LAMA2: variants seen among roughly 807,000 people sequenced by gnomAD.
LAMA2 encodes the protein laminin subunit alpha-2.
Under a neutral mutation model 364.8 loss-of-function variants are expected in LAMA2, and 269 were observed. The ratio of observed to expected loss-of-function variants is 0.74; its 90% CI spans 0.67 to 0.82. LAMA2 has a LOEUF of 0.82. Ranked by LOEUF, LAMA2 falls within the 40% of genes least tolerant of loss-of-function variation. The pLI, the probability that LAMA2 is intolerant of heterozygous loss-of-function variation, is 0.00. For synonymous variants in LAMA2, 1,379 were observed against 1,370.6 expected, an observed-to-expected ratio of 1.01 and a Z score of -0.14; for missense variants, 3,807 against 3,873.2, an observed-to-expected ratio of 0.98 and a Z score of 0.45.
intron 15 of LAMA2, among the ~76,000 whole-genome samples, chr6:129,263,710 G>A (rs957534143): frequency 3.3e-5 from 5 of 152,084 alleles, no homozygotes; most frequent in Non-Finnish European, 5.9e-5. Flanking sequence ...TAGTGGAGTA[G>A]TGTAATCTGA....
At chr6:129,161,581 C>G (rs1273298225) in intron 8 of LAMA2, among the ~76,000 whole-genome samples, 1 of 152,032 alleles carries the variant, frequency 6.6e-6, no homozygotes. Flanking sequence ...AATTATGTGT[C>G]ATGGGATTTG....
At chr6:128,925,893 G>C (rs1649196161) in intron 1 of LAMA2, among the ~76,000 whole-genome samples, 1 of 151,900 alleles carries the variant, frequency 6.6e-6, no homozygotes, top group South Asian at 2.1e-4. Flanking sequence ...CTTGCCATGA[G>C]AAACGGAGCA....
chr6:129,410,429 CT>C (rs1373485054), intron 40 of LAMA2, among the ~76,000 whole-genome samples: 1 of 152,138 alleles, frequency 6.6e-6, no homozygotes, highest in African/African-American at 2.4e-5. Context: ...TTTTGTAAAA[CT>C]TTCTCTCTGT....
chr6:129,395,110 G>A (rs1351990661), intron 37 of LAMA2, among the ~76,000 whole-genome samples: 1 of 152,084 alleles, frequency 6.6e-6, no homozygotes, highest in Non-Finnish European at 1.5e-5. Context: ...CCCACCTAGA[G>A]AGTCTGTGTA....
intron 1 of LAMA2, among the ~76,000 whole-genome samples, chr6:128,897,605 G>T (rs551366079): frequency 4.7e-4 from 71 of 152,312 alleles, no homozygotes; most frequent in South Asian, 2.1e-3. Flanking sequence ...TTGGCTCAGG[G>T]TATCCCCAAA....
In LAMA2 at chr6:129,156,535, T is replaced by A. The variant is rs1779126379; in HGVS notation, c.1206+1852T>A. Among the ~76,000 whole-genome samples the A allele has an allele frequency of 2.6e-5, 4 of 152,098 alleles. No individual in the cohort carries two copies. In the South Asian group the frequency reaches 8.3e-4, roughly 32 times the overall value. The stretch of plus-strand genomic sequence containing the variant: ...CCATCCTTAATTTCTTTTTTTTTTT[T>A]TAAATAACTTCCCTTTTAAAAGTTA... On this transcript the variant is annotated intron_variant, in intron 8 of 64. Transcript: ENST00000421865.
chr6:129,211,961 G>A (rs1783127380), intron 12 of LAMA2, among the ~76,000 whole-genome samples: 1 of 152,168 alleles, frequency 6.6e-6, no homozygotes, highest in Admixed American at 6.5e-5. Flanking sequence ...GATGCTTTTT[G>A]TGGACAGCAG....
At chr6:129,358,489 A>G (rs1293027208) in intron 32 of LAMA2, among the ~76,000 whole-genome samples, 1 of 152,034 alleles carries the variant, frequency 6.6e-6, no homozygotes, top group Non-Finnish European at 1.5e-5. Flanking sequence ...ACAAACTAAA[A>G]TCACATAATC....
intron 3 of LAMA2, among the ~76,000 whole-genome samples, chr6:129,060,783 G>A (rs922923904): frequency 6.6e-6 from 1 of 152,144 alleles, no homozygotes; most frequent in Admixed American, 6.5e-5. Flanking sequence ...CCCTCCTCCA[G>A]TGTCTAGGTT....
chr6:129,392,063 T>C (rs2114672879), intron 36 of LAMA2, among the ~76,000 whole-genome samples: 1 of 152,358 alleles, frequency 6.6e-6, no homozygotes, highest in South Asian at 2.1e-4. Flanking sequence ...GTTATGACTT[T>C]ACCATTCATA....
intron 1 of LAMA2, among the ~76,000 whole-genome samples, chr6:128,916,168 A>G (rs1778300235): frequency 6.6e-6 from 1 of 152,182 alleles, no homozygotes; most frequent in Non-Finnish European, 1.5e-5. Flanking sequence ...TTTCAATAGC[A>G]GTTTAATGGT....
rs377164820 is a variant in LAMA2 at position 129,028,060 on chromosome 6, G to T, written c.113-21858G>T. ...TAATCTTTGCTTTTAGTAGAAATGG[G>T]GATTTAGAGTACATCAGTACAGGTG... On this transcript the variant is annotated intron_variant, in intron 1 of 64. Coordinates refer to ENST00000421865, the MANE Select transcript of LAMA2 (RefSeq NM_000426.4). 3.1e-4 allele frequency among the ~76,000 whole-genome samples: 47 copies of T among 151,652 alleles called. 1 individual carries two copies. The highest frequency in any genetic ancestry group is 8.5e-4 in the Admixed American group (13 of 15,206).
intron 9 of LAMA2, among the ~76,000 whole-genome samples, chr6:129,172,887 T>A (rs1327484872): frequency 2.0e-5 from 3 of 152,260 alleles, no homozygotes; most frequent in Non-Finnish European, 4.4e-5. Context: ...CACCGTTTTT[T>A]AAGCCCGTCG....
At chr6:129,106,871 A>ATAT (rs1554219027) in intron 4 of LAMA2, among the ~76,000 whole-genome samples, 17 of 115,176 alleles carry the variant, frequency 1.5e-4, no homozygotes, top group Non-Finnish European at 2.1e-4. Context: ...CAAAAAAAAA[A>ATAT]AAAAATATAT....
intron 1 of LAMA2, among the ~76,000 whole-genome samples, chr6:128,955,172 A>G (rs1781066555): frequency 1.3e-5 from 2 of 151,978 alleles, no homozygotes; most frequent in African/African-American, 4.8e-5. Context: ...TTGTATTTTT[A>G]ATATAAGATC....
At chr6:128,933,536 C>G (rs969611288) in intron 1 of LAMA2, among the ~76,000 whole-genome samples, 2 of 152,142 alleles carry the variant, frequency 1.3e-5, no homozygotes, top group Non-Finnish European at 2.9e-5. Flanking sequence ...TACATTCCCA[C>G]CAAAAGTGTA....
intron 15 of LAMA2, among the ~76,000 whole-genome samples, chr6:129,262,362 T>G (rs745559772): frequency 2.8e-4 from 42 of 152,154 alleles, no homozygotes; most frequent in Non-Finnish European, 5.3e-4. Context: ...CTACAGAACA[T>G]ACATGCAATA....
intron 27 of LAMA2, among the ~76,000 whole-genome samples, chr6:129,317,531 T>C (rs1169267463): frequency 6.6e-6 from 1 of 152,132 alleles, no homozygotes; most frequent in Non-Finnish European, 1.5e-5. Context: ...TTCACTTTTA[T>C]ATATGTATTC....
chr6:129,240,367 A>C (rs918669301), intron 12 of LAMA2, among the ~76,000 whole-genome samples: 2 of 152,200 alleles, frequency 1.3e-5, no homozygotes, highest in Admixed American at 1.3e-4. Context: ...GTCAATATTA[A>C]TCACCACATT....
Sources: allele counts gnomAD v4.1 joint callset (sites outside exome capture counted in the v4.1 genomes callset), GRCh38; gene constraint gnomAD v4.1.1; transcripts MANE v1.5; gene names NCBI Gene and HGNC (gene_info 2026-07-23, HGNC 2026-07-21).